The following SLC24A3 variants were observed in gnomAD, a reference collection of about 807,000 sequenced individuals.
The protein encoded by SLC24A3 is solute carrier family 24 member 3, also known as sodium/potassium/calcium exchanger 3.
Under a neutral mutation model 75.8 loss-of-function variants are expected in SLC24A3, and 28 were observed. The ratio of observed to expected loss-of-function variants is 0.37; its 90% CI spans 0.27 to 0.51. The LOEUF is 0.51. SLC24A3 is among the 20% of genes least tolerant of loss of function. The pLI is 0.94. For synonymous variants in SLC24A3, 372 were observed against 334.1 expected, an observed-to-expected ratio of 1.11 and a Z score of -1.24; for missense variants, 663 against 847.8, an observed-to-expected ratio of 0.78 and a Z score of 2.71.
At chr20:19,498,006 T>C (rs1007282485) in intron 2 of SLC24A3, among the ~76,000 whole-genome samples, 5 of 152,096 alleles carry the variant, frequency 3.3e-5, no homozygotes, top group African/African-American at 4.8e-5. Context: ...CTCACGTTAA[T>C]ACCTGAGCTC....
At chr20:19,512,080 C>G (rs1368820417) in intron 2 of SLC24A3, among the ~76,000 whole-genome samples, 2 of 152,216 alleles carry the variant, frequency 1.3e-5, no homozygotes, top group Non-Finnish European at 2.9e-5. Flanking sequence ...ATTGGAGGCT[C>G]TCATTGCCCC....
At chr20:19,692,284 C>T (rs1219189582) in intron 12 of SLC24A3, among the ~76,000 whole-genome samples, 2 of 152,144 alleles carry the variant, frequency 1.3e-5, no homozygotes, top group Non-Finnish European at 2.9e-5. Flanking sequence ...CCTGGGTCTT[C>T]GTCCAAGAGA....
intron 1 of SLC24A3, among the ~76,000 whole-genome samples, chr20:19,229,617 G>GTA (rs4052767): frequency 1.8e-4 from 27 of 151,372 alleles, no homozygotes; most frequent in Non-Finnish European, 3.2e-4. Flanking sequence ...GTGTGTGTGT[G>GTA]TATATATATA....
intron 16 of SLC24A3, among the ~76,000 whole-genome samples, chr20:19,719,963 A>G (rs1481689798): frequency 6.6e-6 from 1 of 152,178 alleles, no homozygotes; most frequent in Admixed American, 6.5e-5. Flanking sequence ...GGTGTGGGCT[A>G]TGGGCATTTG....
At chr20:19,711,218 C>G (rs1157082469) in intron 15 of SLC24A3, among the ~76,000 whole-genome samples, 2 of 152,162 alleles carry the variant, frequency 1.3e-5, no homozygotes, top group African/African-American at 4.8e-5. Flanking sequence ...CAGGCAAACG[C>G]ACACACACAT....
At chr20:19,238,193 A>G (rs556544303) in intron 1 of SLC24A3, among the ~76,000 whole-genome samples, 2 of 152,302 alleles carry the variant, frequency 1.3e-5, no homozygotes, top group Admixed American at 6.5e-5. Flanking sequence ...AAGAGTGACC[A>G]CTGTCCCAGC....
intron 12 of SLC24A3, among the ~76,000 whole-genome samples, chr20:19,686,024 TGA>T (rs566287046): frequency 6.6e-5 from 10 of 152,178 alleles, no homozygotes; most frequent in African/African-American, 2.4e-4. Flanking sequence ...GTTTTAAAGC[TGA>T]GAGAGAGTCA....
At chr20:19,651,971 A>G (rs2032211041) in intron 6 of SLC24A3, among the ~76,000 whole-genome samples, 1 of 152,128 alleles carries the variant, frequency 6.6e-6, no homozygotes, top group South Asian at 2.1e-4. Context: ...CAATTCTTCA[A>G]ATGCTGGATC....
intron 2 of SLC24A3, among the ~76,000 whole-genome samples, chr20:19,413,351 G>C (rs1986776814): frequency 6.6e-6 from 1 of 152,152 alleles, no homozygotes; most frequent in South Asian, 2.1e-4. Flanking sequence ...ATAAATCAAT[G>C]GTACCAGACA....
At chr20:19,582,645 G>A (rs2031234715) in intron 4 of SLC24A3, among the ~76,000 whole-genome samples, 1 of 152,180 alleles carries the variant, frequency 6.6e-6, no homozygotes, top group Non-Finnish European at 1.5e-5. Context: ...CTCCTTGTGT[G>A]AAATGACAGC....
Position 19,522,641 on chromosome 20 carries a change from G to A in SLC24A3, c.348+7077G>A, listed in dbSNP as rs565214262. Among the ~76,000 whole-genome samples the A allele has an allele frequency of 1.6e-4, 25 of 152,312 alleles. No homozygotes were observed. The South Asian group carries it at 5.0e-3, about 30-fold the overall frequency. On this transcript the variant is annotated intron_variant, in intron 3 of 16. Transcript: ENST00000328041. ...CTGTGCTTGCCAACCCCATCACAAA[G>A]TACCTCCTGTCACAGGGCCAGAGCC... is the stretch of plus-strand genomic sequence containing the variant.
intron 2 of SLC24A3, among the ~76,000 whole-genome samples, chr20:19,401,415 A>T (rs1986550764): frequency 6.6e-6 from 1 of 152,204 alleles, no homozygotes; most frequent in Admixed American, 6.5e-5. Flanking sequence ...AGTCTTGGGG[A>T]TAAGAGGCAT....
chr20:19,591,107 T>C (rs959797366), intron 6 of SLC24A3, among the ~76,000 whole-genome samples: 6 of 152,116 alleles, frequency 3.9e-5, no homozygotes, highest in Non-Finnish European at 7.3e-5. Flanking sequence ...ATGCTGTTGG[T>C]CCCAGGCCCA....
At chr20:19,241,899 A>T (rs1263949223) in intron 1 of SLC24A3, among the ~76,000 whole-genome samples, 1 of 152,214 alleles carries the variant, frequency 6.6e-6, no homozygotes, top group African/African-American at 2.4e-5. Context: ...GGTGCTGAGA[A>T]ATGAATGTCG....
intron 3 of SLC24A3, among the ~76,000 whole-genome samples, chr20:19,530,325 G>A (rs2122574853): frequency 6.6e-6 from 1 of 152,330 alleles, no homozygotes; most frequent in South Asian, 2.1e-4. Flanking sequence ...GCTACTCTGA[G>A]TGTCTTGAAA....
chr20:19,504,920 G>T (rs1230571612), intron 2 of SLC24A3, among the ~76,000 whole-genome samples: 1 of 152,182 alleles, frequency 6.6e-6, no homozygotes, highest in African/African-American at 2.4e-5. Context: ...TTTGTGGCCT[G>T]GGAAAACTAC....
At chr20:19,316,827 T>A (rs1364656031) in intron 2 of SLC24A3, among the ~76,000 whole-genome samples, 3 of 152,218 alleles carry the variant, frequency 2.0e-5, no homozygotes, top group Non-Finnish European at 4.4e-5. Context: ...TTTCTTTTTT[T>A]AAAAATTTCC....
At position 19,264,522 on chromosome 20, in the gene SLC24A3, C is replaced by T. The variant is rs575420853; in HGVS notation, c.143-16437C>T. On this transcript the variant is annotated intron_variant, in intron 1 of 16. Transcript: ENST00000328041. ...GGTGGATTGCCTGAGCTCAGGAGTT[C>T]GCGACCAGCCTGGGCAACACGGTGA... Among the ~76,000 whole-genome samples, 23 of 151,776 alleles carry T rather than the reference C, an allele frequency of 1.5e-4. No homozygotes were observed. In the Middle Eastern group the frequency reaches 0.02, roughly 135 times the overall value.
At chr20:19,301,749 C>G (rs938380308) in intron 2 of SLC24A3, among the ~76,000 whole-genome samples, 1 of 152,166 alleles carries the variant, frequency 6.6e-6, no homozygotes, top group South Asian at 2.1e-4. Flanking sequence ...GATGACCCCC[C>G]TCAGCATCTC....
Sources: gnomAD v4.1 joint callset for allele counts (sites outside exome capture counted in the v4.1 genomes callset) on GRCh38, gnomAD v4.1.1 for gene constraint, MANE v1.5 for transcripts, NCBI Gene and HGNC (gene_info 2026-07-23, HGNC 2026-07-21) for gene names.